Variants in PDCD6IP observed in about 807,000 individuals in gnomAD.
The protein encoded by PDCD6IP is programmed cell death 6 interacting protein.
In PDCD6IP, 43 loss-of-function variants were observed where a neutral mutation model predicts 103.7. That is an observed-to-expected ratio of 0.41 (90% CI 0.32 to 0.53). The LOEUF is 0.53. Among genes scored for constraint, PDCD6IP ranks in the 20% least tolerant of loss-of-function variants. The probability of loss-of-function intolerance (pLI) is 0.16; values close to 1 mark genes in which losing one functional copy is unlikely to be tolerated. For synonymous variants in PDCD6IP, 354 were observed against 378.7 expected, an observed-to-expected ratio of 0.93 and a Z score of 0.76; for missense variants, 871 against 1,036.7, an observed-to-expected ratio of 0.84 and a Z score of 2.20.
chr3:33,821,939 T>C lies in PDCD6IP; in HGVS notation c.335-16T>C. On this transcript the variant is annotated splice_polypyrimidine_tract_variant and intron_variant, in intron 3 of 17. Transcript: ENST00000307296. ...AAAAATAATCTGATGAATTTTTCCT[T>C]CTCAATTTTTTACAGCTCTTGCAAG... 2 of 1,599,708 alleles carry C rather than the reference T, an allele frequency of 1.3e-6. No homozygotes were observed. Among genetic ancestry groups the C allele is most frequent in the Non-Finnish European group, 1.7e-6 (2 of 1,174,494 alleles).
chr3:33,863,951 A>T, intron 15 of PDCD6IP, 55 bp from the exon 16 acceptor site: 1 of 1,117,130 alleles, frequency 9.0e-7, no homozygotes, highest in Non-Finnish European at 1.4e-6. Context: ...CTGATATTTT[A>T]TGTGTGTTAA....
At chr3:33,838,806 A>ATT (rs1323729345) in intron 9 of PDCD6IP, among the ~76,000 whole-genome samples, 2 of 150,954 alleles carry the variant, frequency 1.3e-5, no homozygotes, top group South Asian at 2.1e-4. Flanking sequence ...ATATATATAT[A>ATT]TTTTTTGTTT....
intron 1 of PDCD6IP, among the ~76,000 whole-genome samples, chr3:33,802,424 A>C (rs1696496374): frequency 6.6e-6 from 1 of 151,866 alleles, no homozygotes; most frequent in East Asian, 1.9e-4. Context: ...AGCACTCCCT[A>C]CCCCACTTAG....
chr3:33,802,028 G>A (rs1696486060), intron 1 of PDCD6IP, among the ~76,000 whole-genome samples: 2 of 152,206 alleles, frequency 1.3e-5, no homozygotes, highest in African/African-American at 2.4e-5. Flanking sequence ...CAAATTATCT[G>A]AGTTAAGATT....
At position 33,826,559 on chromosome 3, in the gene PDCD6IP, A is replaced by G. The variant is rs780140368; in HGVS notation, c.696A>G (p.Gln232=). The part of the protein sequence containing the change: ...DYFGDAFKQC[Q]YKDTLPKEVF... ...TTGGTGATGCTTTCAAACAGTGTCA[A>G]TACAAAGATACTCTCCCCAAGGTCA... Residue 232 remains glutamine, a synonymous_variant, in exon 6 of 18, where the codon CAA becomes CAG. Transcript: ENST00000307296. 24 of 1,611,710 alleles carry G rather than the reference A, an allele frequency of 1.5e-5. No individual in the cohort carries two copies. The highest frequency in any genetic ancestry group is 6.6e-5 in the South Asian group (6 of 90,890).
intron 12 of PDCD6IP, among the ~76,000 whole-genome samples, chr3:33,851,875 T>A (rs1267438282): frequency 1.3e-5 from 2 of 152,230 alleles, no homozygotes; most frequent in African/African-American, 4.8e-5. Context: ...TATTTCTTTC[T>A]CCATCTACCA....
chr3:33,829,485 A>G (rs1159339773), intron 7 of PDCD6IP, among the ~76,000 whole-genome samples: 1 of 111,932 alleles, frequency 8.9e-6, no homozygotes, highest in Non-Finnish European at 1.8e-5. Context: ...ATGTGTGTGC[A>G]TATATATATA....
intron 1 of PDCD6IP, among the ~76,000 whole-genome samples, chr3:33,809,487 A>C (rs903964611): frequency 1.3e-5 from 2 of 152,214 alleles, no homozygotes; most frequent in Admixed American, 6.5e-5. Context: ...TAAGACCTTC[A>C]ACATTTTTGG....
chr3:33,863,287 A>T (rs1160667285), intron 15 of PDCD6IP, among the ~76,000 whole-genome samples: 1 of 152,264 alleles, frequency 6.6e-6, no homozygotes, highest in Non-Finnish European at 1.5e-5. Flanking sequence ...TGTTGGGAAC[A>T]TTCCAAATCT....
rs1698043709 is a variant in PDCD6IP, at chr3:33,865,427, C to G, written c.2429C>G (p.Pro810Arg). ...GPPYPTYPGY[P>R]GYCQMPMPMG... ...CCCTATCCCACCTATCCAGGATATC[C>G]TGGGTAAGGCTGCAACATTGTGTAT... Residue 810 changes from proline (P) to arginine (R), a missense_variant, in exon 17 of 18, where the codon CCT becomes CGT. Transcript: ENST00000307296. The G allele has an allele frequency of 3.8e-6, 6 of 1,581,354 alleles. No homozygotes were observed. Among genetic ancestry groups the G allele is most frequent in the Middle Eastern group, 1.7e-4 (1 of 5,968 alleles).
chr3:33,818,536 T>TTG, intron 3 of PDCD6IP, among the ~76,000 whole-genome samples: 1 of 125,702 alleles, frequency 8.0e-6, no homozygotes, highest in South Asian at 2.8e-4. Context: ...TTTTTTTTTT[T>TTG]TGATAGGGAG....
chr3:33,833,848 C>T (rs1259697896), intron 7 of PDCD6IP, among the ~76,000 whole-genome samples: 2 of 152,066 alleles, frequency 1.3e-5, no homozygotes, highest in South Asian at 2.1e-4. Flanking sequence ...GGTTCCTGTG[C>T]AGGGAAATGG....
At chr3:33,822,834 T>A (rs1366359104) in intron 4 of PDCD6IP, among the ~76,000 whole-genome samples, 1 of 151,958 alleles carries the variant, frequency 6.6e-6, no homozygotes, top group Admixed American at 6.6e-5. Context: ...TTTTTTTGTA[T>A]TTTTAGTAGA....
intron 1 of PDCD6IP, among the ~76,000 whole-genome samples, chr3:33,801,478 C>T (rs1696474974): frequency 6.6e-6 from 1 of 152,116 alleles, no homozygotes; most frequent in South Asian, 2.1e-4. Context: ...TACATTTATG[C>T]ATATTATAAT....
chr3:33,864,362 TAAAA>T (rs919178874), intron 16 of PDCD6IP, among the ~76,000 whole-genome samples: 6 of 152,122 alleles, frequency 3.9e-5, no homozygotes, highest in Non-Finnish European at 5.9e-5. Context: ...TTATAGCAAA[TAAAA>T]CAAATGATAA....
At position 33,855,193 on chromosome 3, in the gene PDCD6IP, G is replaced by T. The variant is rs960394095; in HGVS notation, c.2053G>T (p.Val685Phe). The T allele has an allele frequency of 6.2e-7, 1 of 1,610,538 alleles. No individual in the cohort carries two copies. The highest frequency in any genetic ancestry group is 8.5e-7 in the Non-Finnish European group (1 of 1,177,070). ...TTACAATGAGTTGACTGAAATCCTG[G>T]TCAGGTTCCAGAACAAATGCAGTGA... is the stretch of plus-strand genomic sequence containing the variant. ...KFYNELTEIL[V>F]RFQNKCSDIV... The change falls in exon 15 of 18, where the codon GTC (valine) becomes TTC (phenylalanine). Residue 685 changes from valine (V) to phenylalanine (F), a missense_variant. By Grantham distance (50) the Val-to-Phe change is conservative. This residue lies in a region of PDCD6IP where 266 missense variants were observed against 390.5 expected (regional missense o/e 0.68). Transcript: ENST00000307296.
At position 33,868,085 on chromosome 3, in the gene PDCD6IP, A is replaced by G. The variant is rs934946529; in HGVS notation, c.*1560A>G. The G allele has an allele frequency of 2.0e-5, 3 of 152,228 alleles. No homozygotes were observed. Among genetic ancestry groups the G allele is most frequent in the Non-Finnish European group, 4.4e-5 (3 of 68,044 alleles). The allele number at this position is 152,228 out of a possible 1,614,324, so 9.4% of individuals were successfully genotyped here. ...AATATTAAAGTTGGTTTAAAGTCCA[A>G]TAGTTAAACCTTAGCAAAAATAGCT... On this transcript the variant is annotated 3_prime_UTR_variant, in exon 18 of 18. Coordinates refer to ENST00000307296, the MANE Select transcript of PDCD6IP (RefSeq NM_013374.6).
At chr3:33,851,895 C>T (rs951750668) in intron 12 of PDCD6IP, among the ~76,000 whole-genome samples, 2 of 152,196 alleles carry the variant, frequency 1.3e-5, no homozygotes, top group Non-Finnish European at 2.9e-5. Flanking sequence ...ATGCTTGCTT[C>T]ATAGCTGTCT....
chr3:33,839,464 GGGCAGTATTCCATTTTATGGTTATAC>G (rs200198244), intron 9 of PDCD6IP, among the ~76,000 whole-genome samples: 44,143 of 151,596 alleles, frequency 0.29, 6,674 homozygotes, highest in East Asian at 0.41. Context: ...TATGGTTATA[GGGCAGTATTCCATTTTATGGTTATAC>G]GGCAGTATTC....
Sources: gnomAD v4.1 joint callset for allele counts (sites outside exome capture counted in the v4.1 genomes callset) on GRCh38, gnomAD v4.1.1 for gene constraint, gnomAD v4.1.1 regional missense constraint, MANE v1.5 for transcripts, NCBI Gene and HGNC (gene_info 2026-07-23, HGNC 2026-07-21) for gene names.